INSL6: variants seen among roughly 807,000 people sequenced by gnomAD.
INSL6 encodes insulin like 6, also known as insulin-like peptide INSL6.
Under a neutral mutation model 9.4 loss-of-function variants are expected in INSL6, and 16 were observed. That is an observed-to-expected ratio of 1.70 (90% confidence interval 1.15 to 2.59). The LOEUF (loss-of-function observed/expected upper bound fraction) is 2.59, where lower values mean the gene tolerates loss of function less well. INSL6 is among the 30% of genes most tolerant of loss of function. The pLI is 0.00. For missense variants in INSL6, 391 were observed against 257.3 expected, an observed-to-expected ratio of 1.52 and a Z score of -3.56; for synonymous variants, 154 against 96.9, an observed-to-expected ratio of 1.59 and a Z score of -3.46.
chr9:5,079,772 T>A, the INSL6 span, among the ~76,000 whole-genome samples: 29 of 152,176 alleles, frequency 1.9e-4, no homozygotes, highest in Non-Finnish European at 3.7e-4. Flanking sequence ...TGAGCTGCAA[T>A]CGTGCCATTG....
the INSL6 span, among the ~76,000 whole-genome samples, chr9:5,049,810 A>G: frequency 4.6e-5 from 7 of 152,208 alleles, no homozygotes; most frequent in Middle Eastern, 3.2e-3. Context: ...CCTAGTCTGT[A>G]TGGTATAGCC....
At chr9:5,150,563 G>A (rs539240662) in intron 2 of INSL6, among the ~76,000 whole-genome samples, 8 of 152,142 alleles carry the variant, frequency 5.3e-5, no homozygotes, top group Admixed American at 1.3e-4. Flanking sequence ...TTATTAAATC[G>A]TCAACAAATA....
chr9:5,185,565 C>A lies in INSL6; in HGVS notation c.38G>T (p.Gly13Val). ...RLLRLSLLWL[G>V]LLLVRFSREL... ...ACGAGAAAACCGAACCAGCAGGAGT[C>A]CAAGCCACAGCAGGGACAAGCGGAG... The change falls in exon 1 of 2, where the codon GGA becomes GTA. Residue 13 changes from glycine to valine, a missense_variant. Gly to Val is a moderately radical substitution (Grantham distance 109). Coordinates refer to ENST00000381641, the MANE Select transcript of INSL6 (RefSeq NM_007179.3). The A allele has an allele frequency of 6.2e-7, 1 of 1,613,810 alleles. No homozygotes were observed.
At chr9:5,042,057 G>A in the INSL6 span, 7 of 244,344 alleles carry the variant, frequency 2.9e-5, no homozygotes, top group East Asian at 9.3e-4. Context: ...AGACTGCAGG[G>A]TCTTGGCCGG....
At chr9:5,174,897 G>A (rs1825262382) in intron 1 of INSL6, among the ~76,000 whole-genome samples, 1 of 151,440 alleles carries the variant, frequency 6.6e-6, no homozygotes, top group Non-Finnish European at 1.5e-5. Flanking sequence ...CCTTCTAGGT[G>A]TTCCACATAC....
chr9:5,128,175 C>CTTACT (rs1038207109), intron 3 of INSL6: 4 of 230,522 alleles, frequency 1.7e-5, no homozygotes, highest in African/African-American at 8.9e-5. Flanking sequence ...AAAATAGTTT[C>CTTACT]TTACTTTATT....
At chr9:5,031,877 G>A in the INSL6 span, among the ~76,000 whole-genome samples, 1 of 152,214 alleles carries the variant, frequency 6.6e-6, no homozygotes, top group Admixed American at 6.5e-5. Context: ...GAGGTGTACC[G>A]GGTTCGTCTC....
At chr9:5,138,663 G>C (rs1393676549) in intron 2 of INSL6, among the ~76,000 whole-genome samples, 1 of 151,810 alleles carries the variant, frequency 6.6e-6, no homozygotes, top group African/African-American at 2.4e-5. Context: ...AAACCACCAT[G>C]ACACATGTAT....
chr9:5,018,885 C>G, the INSL6 span, among the ~76,000 whole-genome samples: 1 of 152,088 alleles, frequency 6.6e-6, no homozygotes, highest in Non-Finnish European at 1.5e-5. Context: ...TGCTGTTAGT[C>G]TGATGGAGCT....
At chr9:5,169,333 T>C (rs1484665327) in intron 1 of INSL6, among the ~76,000 whole-genome samples, 1 of 152,124 alleles carries the variant, frequency 6.6e-6, no homozygotes, top group African/African-American at 2.4e-5. Context: ...CTGAGGGAAT[T>C]CATCACCACC....
chr9:5,041,914 G>A, the INSL6 span: 3 of 396,530 alleles, frequency 7.6e-6, no homozygotes, highest in Admixed American at 3.5e-5. Context: ...GGAGGTGGGC[G>A]ATGAAACGAA....
At chr9:5,069,409 A>G in the INSL6 span, among the ~76,000 whole-genome samples, 669 of 152,288 alleles carry the variant, frequency 4.4e-3, 5 homozygotes, top group African/African-American at 0.015. Flanking sequence ...TTGAAGTTCA[A>G]TTATTCTAAA....
chr9:5,000,651 C>T, the INSL6 span, among the ~76,000 whole-genome samples: 1 of 151,994 alleles, frequency 6.6e-6, no homozygotes, highest in East Asian at 1.9e-4. Context: ...TATAAATTTT[C>T]CCTATATGCT....
rs1249828794 is a variant in INSL6 at position 5,158,285 on chromosome 9, T to G, written c.376+5894A>C. ...TGGTCTAGAATGTTTTTCAAAGAGA[T>G]AATAACAGAGAACTTCCCAAACCTA... On this transcript the variant is annotated intron_variant, in intron 2 of 3. Coordinates refer to the INSL6 transcript ENST00000649639. Among the ~76,000 whole-genome samples the G allele has an allele frequency of 2.6e-5, 4 of 152,134 alleles. No individual in the cohort carries two copies. The East Asian group carries it at 7.7e-4, about 29-fold the overall frequency.
the INSL6 span, chr9:5,041,633 T>G: frequency 2.0e-6 from 1 of 501,230 alleles, no homozygotes. Context: ...GCCTGGACTT[T>G]GAGAAGCTCG....
chr9:5,110,491 C>T, the INSL6 span: 1 of 154,794 alleles, frequency 6.5e-6, no homozygotes, highest in African/African-American at 2.4e-5. Flanking sequence ...TTTATATGCT[C>T]AGGCTCCATC....
chr9:5,051,515 T>C, the INSL6 span, among the ~76,000 whole-genome samples: 14 of 152,296 alleles, frequency 9.2e-5, no homozygotes, highest in South Asian at 2.5e-3. Context: ...CCCACAAATA[T>C]GAATTTTTAC....
the INSL6 span, among the ~76,000 whole-genome samples, chr9:5,023,240 G>A: frequency 6.6e-6 from 1 of 152,176 alleles, no homozygotes; most frequent in Admixed American, 6.5e-5. Flanking sequence ...TCCCACATAT[G>A]AATGAGAACT....
chr9:5,080,465 T>A, the INSL6 span: 1 of 1,538,722 alleles, frequency 6.5e-7, no homozygotes, highest in Non-Finnish European at 8.8e-7. Flanking sequence ...TTAGCCCATC[T>A]AATTTTAAAA....
Sources: allele counts gnomAD v4.1 joint callset (sites outside exome capture counted in the v4.1 genomes callset), GRCh38; gene constraint gnomAD v4.1.1; transcripts MANE v1.5; gene names NCBI Gene and HGNC (gene_info 2026-07-23, HGNC 2026-07-21).